The following ISM2 variants were observed in gnomAD, a reference collection of about 807,000 sequenced individuals.
ISM2 encodes the protein isthmin 2.
A neutral mutation model predicts 58.0 loss-of-function variants in ISM2; 50 were observed. That is an observed-to-expected ratio of 0.86 (90% CI 0.69 to 1.09). ISM2 has a LOEUF of 1.09. ISM2 is among the 50% of genes least tolerant of loss of function. The pLI, the probability that ISM2 is intolerant of heterozygous loss-of-function variation, is 0.00. For synonymous variants in ISM2, 303 were observed against 312.4 expected, an observed-to-expected ratio of 0.97 and a Z score of 0.32; for missense variants, 723 against 745.0, an observed-to-expected ratio of 0.97 and a Z score of 0.34.
intron 1 of ISM2, among the ~76,000 whole-genome samples, chr14:77,493,876 G>C (rs542522317): frequency 6.6e-6 from 1 of 150,438 alleles, no homozygotes; most frequent in Non-Finnish European, 1.5e-5. Context: ...GGTTCACGCC[G>C]TTCTCCTGCC....
chr14:77,488,781 C>T (rs1217963872), intron 1 of ISM2, among the ~76,000 whole-genome samples: 1 of 152,210 alleles, frequency 6.6e-6, no homozygotes, highest in Non-Finnish European at 1.5e-5. Flanking sequence ...CATGCCAGTT[C>T]TTCACACCTC....
Position 77,493,938 on chromosome 14 carries a change from AT to A in ISM2, c.141+4714del, listed in dbSNP as rs943061252. ...AGGTGCTTGCTACCATGCCCAGCTAATTTTTTTTTTTTGTATTTTTAGTAGA... is the reference window on the plus strand; with the variant it reads ...AGGTGCTTGCTACCATGCCCAGCTAATTTTTTTTTTTGTATTTTTAGTAGA... On this transcript the variant is annotated intron_variant, in intron 1 of 6. Coordinates refer to ENST00000342219, the MANE Select transcript of ISM2 (RefSeq NM_199296.3). Among the ~76,000 whole-genome samples, 440 of 143,808 alleles carry A rather than the reference AT, an allele frequency of 3.1e-3. 2 individuals are homozygous for A. Among genetic ancestry groups the A allele is most frequent in the African/African-American group, 9.0e-3 (356 of 39,352 alleles). The allele number at this position is 143,808 out of a possible 152,430, so 94.3% of individuals were successfully genotyped here. A position where few individuals can be genotyped will look rare whatever the true frequency, so the allele number is the denominator to read the frequency against.
intron 3 of ISM2, among the ~76,000 whole-genome samples, chr14:77,483,204 C>T (rs2079143628): frequency 6.6e-6 from 1 of 152,156 alleles, no homozygotes; most frequent in Non-Finnish European, 1.5e-5. Flanking sequence ...AATAAAGTAA[C>T]ATGAGGTTCA....
In ISM2 at chr14:77,498,786, G is replaced by A; in HGVS notation, c.8C>T (p.Ala3Val). The change falls in exon 1 of 7, where the codon GCG (alanine) becomes GTG (valine). Residue 3 changes from alanine (A) to valine (V), a missense_variant. Coordinates refer to ENST00000342219, the MANE Select transcript of ISM2 (RefSeq NM_199296.3). ...GAGGAGCCCGGCTCGGTCGCGGAGC[G>A]CACGCATCGTCTCGGTTCCGAGGCT... MR[A>V]LRDRAGLLLC... The A allele has an allele frequency of 6.9e-7, 1 of 1,445,842 alleles. No homozygotes were observed. Among genetic ancestry groups the A allele is most frequent in the Non-Finnish European group, 9.0e-7 (1 of 1,108,970 alleles). The allele number at this position is 1,445,842 out of a possible 1,614,324, so 89.6% of individuals were successfully genotyped here.
At chr14:77,495,540 G>C (rs999874738) in intron 1 of ISM2, among the ~76,000 whole-genome samples, 1 of 152,178 alleles carries the variant, frequency 6.6e-6, no homozygotes, top group African/African-American at 2.4e-5. Flanking sequence ...TCTCCATGTA[G>C]GAGGAGGGAC....
chr14:77,484,957 G>T (rs1242419691), intron 1 of ISM2, 38 bp from the exon 2 acceptor site: 1 of 1,523,364 alleles, frequency 6.6e-7, no homozygotes, highest in Non-Finnish European at 8.8e-7. Context: ...AACAGGTCAG[G>T]GCTCACCCCA....
At chr14:77,495,894 T>C (rs2079236637) in intron 1 of ISM2, among the ~76,000 whole-genome samples, 1 of 152,072 alleles carries the variant, frequency 6.6e-6, no homozygotes, top group Non-Finnish European at 1.5e-5. Flanking sequence ...CTATAATACA[T>C]AGACAGTGTA....
chr14:77,485,311 G>A (rs1046060135), intron 1 of ISM2, among the ~76,000 whole-genome samples: 3 of 152,198 alleles, frequency 2.0e-5, no homozygotes, highest in African/African-American at 7.2e-5. Context: ...TCACAGGCCA[G>A]AGGAGAAAGG....
At chr14:77,497,704 TAA>T (rs2079252644) in intron 1 of ISM2, among the ~76,000 whole-genome samples, 1 of 112,500 alleles carries the variant, frequency 8.9e-6, no homozygotes, top group Non-Finnish European at 1.8e-5. Context: ...AAAAATAAAA[TAA>T]AAGAGAGGGA....
intron 4 of ISM2, among the ~76,000 whole-genome samples, chr14:77,479,810 C>A (rs549886066): frequency 6.6e-6 from 1 of 152,054 alleles, no homozygotes; most frequent in East Asian, 1.9e-4. Flanking sequence ...CCACTGCACC[C>A]GGCTAAGCCT....
In ISM2 at chr14:77,485,744, C is replaced by T. The variant is rs530404160; in HGVS notation, c.142-825G>A. On this transcript the variant is annotated intron_variant, in intron 1 of 6. Coordinates refer to ENST00000342219, the MANE Select transcript of ISM2 (RefSeq NM_199296.3). ...CTCCCAGAGCTGCCTTATGAGTCTC[C>T]GGGACCTGCCACCTGTGGACCCTGC... is the stretch of plus-strand genomic sequence containing the variant. Among the ~76,000 whole-genome samples the T allele has an allele frequency of 1.4e-3, 209 of 152,318 alleles. 1 individual carries two copies. The highest frequency in any genetic ancestry group is 2.0e-3 in the Non-Finnish European group (135 of 68,028).
rs765494267 is a variant in ISM2, at chr14:77,498,774, C to A, written c.20G>T (p.Arg7Leu). Residue 7 changes from arginine to leucine, a missense_variant, in exon 1 of 7, where the codon CGA (arginine) becomes CTA (leucine). Physicochemically the swap from Arg to Leu is moderately radical, Grantham distance 102. Transcript: ENST00000342219. MRALRD[R>L]AGLLLCVLLL... Reference sequence around the variant, plus strand: ...CAGCACGCAGAGGAGGAGCCCGGCTCGGTCGCGGAGCGCACGCATCGTCTC... The same window carrying A: ...CAGCACGCAGAGGAGGAGCCCGGCTAGGTCGCGGAGCGCACGCATCGTCTC... 6.8e-7 allele frequency: 1 copy of A among 1,463,610 alleles called. No homozygotes were observed. Among genetic ancestry groups the A allele is most frequent in the Non-Finnish European group, 9.0e-7 (1 of 1,116,704 alleles). The allele number at this position is 1,463,610 out of a possible 1,614,324, so 90.7% of individuals were successfully genotyped here.
intron 4 of ISM2, among the ~76,000 whole-genome samples, chr14:77,480,909 C>G (rs956085650): frequency 2.6e-5 from 4 of 151,978 alleles, no homozygotes; most frequent in Non-Finnish European, 5.9e-5. Flanking sequence ...TTGGGAAGAG[C>G]CTGTCACAAG....
intron 1 of ISM2, among the ~76,000 whole-genome samples, chr14:77,491,588 C>T (rs1453983078): frequency 6.6e-6 from 1 of 151,904 alleles, no homozygotes; most frequent in Non-Finnish European, 1.5e-5. Context: ...GACAGGGTTT[C>T]ACCATGTTGG....
intron 3 of ISM2, 128 bp downstream of exon 3, chr14:77,484,195 G>T: frequency 8.1e-7 from 1 of 1,230,372 alleles, no homozygotes. Flanking sequence ...TGGGGAGCCT[G>T]CCCTCTGACC....
intron 1 of ISM2, among the ~76,000 whole-genome samples, chr14:77,486,598 C>G (rs1458027845): frequency 6.6e-6 from 1 of 150,886 alleles, no homozygotes; most frequent in Admixed American, 6.6e-5. Context: ...AAAGCCCTAA[C>G]TGTGCCTGTG....
At chr14:77,496,211 G>A (rs927852909) in intron 1 of ISM2, among the ~76,000 whole-genome samples, 5 of 150,104 alleles carry the variant, frequency 3.3e-5, no homozygotes, top group South Asian at 2.1e-4. Flanking sequence ...AAATTCAGCC[G>A]GGCATGGTGG....
At chr14:77,487,309 T>C (rs1167475198) in intron 1 of ISM2, among the ~76,000 whole-genome samples, 1 of 151,534 alleles carries the variant, frequency 6.6e-6, no homozygotes, top group African/African-American at 2.4e-5. Flanking sequence ...GCAAGCATGC[T>C]GTAGATTGGG....
chr14:77,477,073 G>A (rs372810909), intron 6 of ISM2, among the ~76,000 whole-genome samples: 1 of 152,176 alleles, frequency 6.6e-6, no homozygotes, highest in Non-Finnish European at 1.5e-5. Flanking sequence ...CAGTGCAGCA[G>A]AGGCCAGGAG....
Sources: allele counts gnomAD v4.1 joint callset (sites outside exome capture counted in the v4.1 genomes callset), GRCh38; gene constraint gnomAD v4.1.1; transcripts MANE v1.5; gene names NCBI Gene and HGNC (gene_info 2026-07-23, HGNC 2026-07-21).